INTS8: variants seen among roughly 807,000 people sequenced by gnomAD.
INTS8 encodes the protein integrator complex subunit 8.
A neutral mutation model predicts 138.9 loss-of-function variants in INTS8; 47 were observed. The ratio of observed to expected loss-of-function variants is 0.34; its 90% CI spans 0.27 to 0.43. INTS8 has a LOEUF of 0.43. Ranked by LOEUF, INTS8 falls within the 20% of genes least tolerant of loss-of-function variation. The probability of loss-of-function intolerance (pLI) is 1.00; values close to 1 mark genes in which losing one functional copy is unlikely to be tolerated. For missense variants in INTS8, 996 were observed against 1,173.0 expected, an observed-to-expected ratio of 0.85 and a Z score of 2.20; for synonymous variants, 392 against 400.9, an observed-to-expected ratio of 0.98 and a Z score of 0.27.
intron 14 of INTS8, among the ~76,000 whole-genome samples, chr8:94,855,294 T>G (rs1415108640): frequency 3.3e-5 from 5 of 152,254 alleles, no homozygotes; most frequent in Non-Finnish European, 7.3e-5. Flanking sequence ...ATGTCTAATT[T>G]CAATGTGTAA....
chr8:94,865,509 G>A lies in INTS8; in HGVS notation c.2080G>A (p.Gly694Arg). Reference sequence around the variant, plus strand: ...TATTTTGTTTTTCATGTTATAGCTTGGACAGCTTTTAGCAGCTACATGCAA... The same window carrying A: ...TATTTTGTTTTTCATGTTATAGCTTAGACAGCTTTTAGCAGCTACATGCAA... ...LLQSNPYVKL[G>R]QLLAATCKEL... The change falls in exon 17 of 27, where the codon GGA (glycine) becomes AGA (arginine). Residue 694 changes from glycine to arginine, a missense_variant. Gly to Arg is a moderately radical substitution (Grantham distance 125). Coordinates refer to ENST00000523731, the MANE Select transcript of INTS8 (RefSeq NM_017864.4). The A allele has an allele frequency of 6.2e-7, 1 of 1,612,276 alleles. No individual in the cohort carries two copies. The highest frequency in any genetic ancestry group is 8.5e-7 in the Non-Finnish European group (1 of 1,178,904).
At chr8:94,827,917 T>G (rs1814571112) in intron 4 of INTS8, 124 bp downstream of exon 4, 2 of 798,280 alleles carry the variant, frequency 2.5e-6, no homozygotes. Flanking sequence ...AGAAGGCCTG[T>G]GTGAAGGTTT....
In INTS8 at chr8:94,837,705, C is replaced by G. The variant is rs1484631018; in HGVS notation, c.862-758C>G. On this transcript the variant is annotated intron_variant, in intron 7 of 26. Coordinates refer to ENST00000523731, the MANE Select transcript of INTS8 (RefSeq NM_017864.4). Reference sequence around the variant, plus strand: ...GTTTTTAATTTTAACACTGTTTGCTCTTTGTTAATGTCTTGTCATACATAC... The same window carrying G: ...GTTTTTAATTTTAACACTGTTTGCTGTTTGTTAATGTCTTGTCATACATAC... 2.0e-5 allele frequency among the ~76,000 whole-genome samples: 3 copies of G among 151,954 alleles called. No individual in the cohort carries two copies. In the East Asian group the frequency reaches 5.8e-4, roughly 29 times the overall value.
chr8:94,823,466 C>T lies in INTS8; in HGVS notation c.35C>T (p.Thr12Ile), dbSNP rs1368871665. The change falls in exon 1 of 27, where the codon ACC (threonine) becomes ATC (isoleucine). Residue 12 changes from threonine (T) to isoleucine (I), a missense_variant. By Grantham distance (89) the Thr-to-Ile change is moderately conservative. Coordinates refer to ENST00000523731, the MANE Select transcript of INTS8 (RefSeq NM_017864.4). ...GAGGCGGCGGACCGGGAGGCGGCCA[C>T]CTCCAGCCGGCCCTGCACCCCGCCG... ...SAEAADREAA[T>I]SSRPCTPPQT... The T allele has an allele frequency of 1.9e-6, 3 of 1,546,682 alleles. No individual in the cohort carries two copies. Among genetic ancestry groups the T allele is most frequent in the Non-Finnish European group, 2.6e-6 (3 of 1,145,876 alleles).
At position 94,838,579 on chromosome 8, in the gene INTS8, T is replaced by G; in HGVS notation, c.978T>G (p.Tyr326Ter). The change falls in exon 8 of 27, where the codon TAT (tyrosine) becomes TAG (stop). Residue 326 changes from tyrosine (Y) to a stop codon, truncating the protein, a stop_gained. Coordinates refer to ENST00000523731, the MANE Select transcript of INTS8 (RefSeq NM_017864.4). LOFTEE classifies it high-confidence loss of function. Reference protein sequence around the residue: ...SDSTSQQLTPYSQVHICLRSG... With the variant: ...SDSTSQQLTP ...GTACATCTCAACAGTTGACTCCATATAGTCAAGTCCATATTTGTTTGAGAT... is the reference window on the plus strand; with the variant it reads ...GTACATCTCAACAGTTGACTCCATAGAGTCAAGTCCATATTTGTTTGAGAT... 3 of 1,613,048 alleles carry G rather than the reference T, an allele frequency of 1.9e-6. No homozygotes were observed. The highest frequency in any genetic ancestry group is 2.5e-6 in the Non-Finnish European group (3 of 1,179,014).
intron 6 of INTS8, among the ~76,000 whole-genome samples, chr8:94,835,982 A>C (rs1250650581): frequency 2.0e-5 from 3 of 152,184 alleles, no homozygotes; most frequent in Non-Finnish European, 4.4e-5. Context: ...CATATCACGT[A>C]AGTTTTACAG....
Position 94,873,798 on chromosome 8 carries a change from C to T in INTS8, c.2637+321C>T, listed in dbSNP as rs572292734. ...CAAAAACAAAAAACCTGCAAAATAC[C>T]AAACATTTTTGTTTAACCATTTGAG... On this transcript the variant is annotated intron_variant, in intron 22 of 26. Transcript: ENST00000523731. 52 of 190,762 alleles carry T rather than the reference C, an allele frequency of 2.7e-4. 1 individual carries two copies. Among genetic ancestry groups the T allele is most frequent in the African/African-American group, 1.2e-3 (50 of 42,622 alleles). The allele number at this position is 190,762 out of a possible 1,614,324, so 11.8% of individuals were successfully genotyped here.
chr8:94,838,061 T>C (rs1232298015), intron 7 of INTS8, among the ~76,000 whole-genome samples: 10 of 144,528 alleles, frequency 6.9e-5, no homozygotes, highest in East Asian at 3.9e-4. Flanking sequence ...TTTTTTTTTT[T>C]CCTGGGACGG....
chr8:94,875,013 TAAAATGGTGTAGCATC>T (rs901948364), intron 23 of INTS8, among the ~76,000 whole-genome samples: 1 of 152,106 alleles, frequency 6.6e-6, no homozygotes, highest in African/African-American at 2.4e-5. Context: ...GGTGGGAATA[TAAAATGGTGTAGCATC>T]AAAATGGTGT....
chr8:94,828,950 T>G, intron 4 of INTS8, 25 bp from the exon 5 acceptor site: 1 of 1,521,052 alleles, frequency 6.6e-7, no homozygotes, highest in Non-Finnish European at 9.1e-7. Context: ...TTTGATACTT[T>G]TGTTTTCAAT....
intron 21 of INTS8, among the ~76,000 whole-genome samples, 165 bp downstream of exon 21, chr8:94,872,167 G>T (rs747152608): frequency 8.6e-5 from 13 of 151,164 alleles, no homozygotes; most frequent in Admixed American, 1.3e-4. Context: ...TTAGTGTAGA[G>T]CCTTTGGTTC....
intron 21 of INTS8, among the ~76,000 whole-genome samples, chr8:94,872,220 C>CA (rs1816422179): frequency 6.6e-6 from 1 of 151,544 alleles, no homozygotes; most frequent in Non-Finnish European, 1.5e-5. Context: ...TTCTCTTTTT[C>CA]AAAAAAACAG....
At chr8:94,830,095 C>T (rs549918073) in intron 5 of INTS8, among the ~76,000 whole-genome samples, 12 of 152,222 alleles carry the variant, frequency 7.9e-5, no homozygotes, top group African/African-American at 2.6e-4. Context: ...CGGGTTTCAC[C>T]GTGTTGGCCA....
Position 94,876,255 on chromosome 8 carries a change from T to C in INTS8, c.2797T>C (p.Trp933Arg). The C allele has an allele frequency of 6.2e-7, 1 of 1,612,560 alleles. No individual in the cohort carries two copies. The highest frequency in any genetic ancestry group is 8.5e-7 in the Non-Finnish European group (1 of 1,179,008). The part of the protein sequence containing the change: ...DAMDSYYDYI[W>R]DVTILEYLTY... ...TATGGACTCCTACTACGACTACATA[T>C]GGGATGTTACCATTTTGGAATACTT... Residue 933 changes from tryptophan to arginine, a missense_variant, in exon 25 of 27, where the codon TGG becomes CGG. Coordinates refer to ENST00000523731, the MANE Select transcript of INTS8 (RefSeq NM_017864.4).
At chr8:94,829,911 T>C (rs754496814) in intron 5 of INTS8, among the ~76,000 whole-genome samples, 18 of 152,322 alleles carry the variant, frequency 1.2e-4, no homozygotes, top group Admixed American at 5.2e-4. Context: ...TTATTTTTTA[T>C]TTTTTTGAGA....
At chr8:94,841,618 G>A (rs764921246) in intron 9 of INTS8, 27 bp downstream of exon 9, 12 of 1,230,840 alleles carry the variant, frequency 9.7e-6, no homozygotes, top group Non-Finnish European at 1.4e-5. Flanking sequence ...ATTACTTCTT[G>A]ATTTTTGAAT....
rs1018453168 is a variant in INTS8 at position 94,876,393 on chromosome 8, T to A, written c.2828-53T>A. 4 of 1,385,700 alleles carry A rather than the reference T, an allele frequency of 2.9e-6. No homozygotes were observed. In the African/African-American group the frequency reaches 5.8e-5, roughly 20 times the overall value. The allele number at this position is 1,385,700 out of a possible 1,614,324, so 85.8% of individuals were successfully genotyped here. A position where few individuals can be genotyped will look rare whatever the true frequency, so the allele number is the denominator to read the frequency against. On this transcript the variant is annotated intron_variant, in intron 25 of 26. Coordinates refer to ENST00000523731, the MANE Select transcript of INTS8 (RefSeq NM_017864.4). ...ATCAAAACTGAAAATGAGTTGAGATTCTCTCATTATATTTAATACTATCAG... is the reference window on the plus strand; with the variant it reads ...ATCAAAACTGAAAATGAGTTGAGATACTCTCATTATATTTAATACTATCAG...
At chr8:94,861,878 C>T (rs1321042465) in intron 16 of INTS8, among the ~76,000 whole-genome samples, 4 of 151,238 alleles carry the variant, frequency 2.6e-5, no homozygotes, top group Non-Finnish European at 4.4e-5. Context: ...TTTACACTTG[C>T]TCGTGAAAAC....
At chr8:94,851,507 G>T (rs368141814) in intron 12 of INTS8, 46 bp from the exon 13 acceptor site, 32 of 1,309,190 alleles carry the variant, frequency 2.4e-5, no homozygotes, top group Non-Finnish European at 3.1e-5. Context: ...TGTTATTCTC[G>T]TGTATATCTT....
Sources: allele counts gnomAD v4.1 joint callset (sites outside exome capture counted in the v4.1 genomes callset), GRCh38; gene constraint gnomAD v4.1.1; transcripts MANE v1.5; gene names NCBI Gene and HGNC (gene_info 2026-07-23, HGNC 2026-07-21).